The following EXPH5 variants were observed in gnomAD, a reference collection of about 807,000 sequenced individuals.
EXPH5 encodes the protein exophilin 5, also known as exophilin-5.
A neutral mutation model predicts 41.1 loss-of-function variants in EXPH5; 42 were observed. The ratio of observed to expected loss-of-function variants is 1.02; its 90% CI spans 0.80 to 1.32. EXPH5 has a LOEUF of 1.32. Among genes scored for constraint, EXPH5 ranks in the 40% most tolerant of loss-of-function variants. The probability of loss-of-function intolerance (pLI) is 0.00; values close to 1 mark genes in which losing one functional copy is unlikely to be tolerated. For synonymous variants in EXPH5, 798 were observed against 833.5 expected, an observed-to-expected ratio of 0.96 and a Z score of 0.73; for missense variants, 2,298 against 2,314.5, an observed-to-expected ratio of 0.99 and a Z score of 0.15.
Position 108,514,265 on chromosome 11 carries a change from T to A in EXPH5, c.1242A>T (p.Arg414Ser). Residue 414 changes from arginine to serine, a missense_variant, in exon 6 of 6, where the codon AGA becomes AGT. Transcript: ENST00000265843. Reference sequence around the variant, plus strand: ...CATTCTGTGAATGGTACGATTCATATCTCTTATTCTCCTGAAAACCCCTGG... The same window carrying A: ...CATTCTGTGAATGGTACGATTCATAACTCTTATTCTCCTGAAAACCCCTGG... ...VYPRGFQENK[R>S]YESYHSQNVY... The A allele has an allele frequency of 6.2e-7, 1 of 1,614,132 alleles. No individual in the cohort carries two copies. The highest frequency in any genetic ancestry group is 1.1e-5 in the South Asian group (1 of 91,056).
intron 1 of EXPH5, among the ~76,000 whole-genome samples, chr11:108,548,654 C>T (rs1231958470): frequency 2.6e-5 from 4 of 152,084 alleles, no homozygotes; most frequent in South Asian, 2.1e-4. Flanking sequence ...GGAAGGGAAA[C>T]GATGACATAA....
intron 1 of EXPH5, among the ~76,000 whole-genome samples, chr11:108,586,272 G>A (rs1036081836): frequency 6.6e-6 from 1 of 152,072 alleles, no homozygotes; most frequent in Non-Finnish European, 1.5e-5. Context: ...TTATACATAC[G>A]ACAACCTGTG....
At position 108,527,013 on chromosome 11, in the gene EXPH5, AGTAGT is replaced by A. The variant is rs147474591; in HGVS notation, c.492+1118_492+1122del. Among the ~76,000 whole-genome samples the A allele has an allele frequency of 7.2e-3, 1,100 of 152,186 alleles. 14 individuals carry two copies. The highest frequency in any genetic ancestry group is 0.024 in the African/African-American group (1,001 of 41,524). On this transcript the variant is annotated intron_variant, in intron 4 of 5. Coordinates refer to ENST00000265843, the MANE Select transcript of EXPH5 (RefSeq NM_015065.3). ...GGCTCAGTGTTATCACCCAGAAAGA[AGTAGT>A]GTAAAGAACCTCTGTTTCCAGTTGG...
At chr11:108,528,914 G>T (rs578116091) in intron 3 of EXPH5, among the ~76,000 whole-genome samples, 1 of 151,660 alleles carries the variant, frequency 6.6e-6, no homozygotes, top group Non-Finnish European at 1.5e-5. Flanking sequence ...TGTTGACCAG[G>T]CTGGTCTCGA....
chr11:108,565,755 T>C (rs985514845), intron 1 of EXPH5, among the ~76,000 whole-genome samples: 1 of 152,206 alleles, frequency 6.6e-6, no homozygotes, highest in African/African-American at 2.4e-5. Flanking sequence ...TAAAGCTCAG[T>C]TCTTTGTCAC....
intron 3 of EXPH5, among the ~76,000 whole-genome samples, chr11:108,532,618 C>A (rs1427135486): frequency 6.6e-6 from 1 of 151,276 alleles, no homozygotes; most frequent in African/African-American, 2.4e-5. Flanking sequence ...GCAAGGCTAG[C>A]CAATAAAAAC....
At chr11:108,586,373 C>T (rs986911955) in intron 1 of EXPH5, among the ~76,000 whole-genome samples, 3 of 151,980 alleles carry the variant, frequency 2.0e-5, no homozygotes, top group East Asian at 1.9e-4. Context: ...ACAAATAAAA[C>T]GGTAGTGTTG....
In EXPH5 at chr11:108,510,195, G is replaced by T; in HGVS notation, c.5312C>A (p.Ala1771Asp). The T allele has an allele frequency of 6.2e-7, 1 of 1,614,076 alleles. No homozygotes were observed. Among genetic ancestry groups the T allele is most frequent in the Non-Finnish European group, 8.5e-7 (1 of 1,180,000 alleles). ...ACTCCTTTGTTGCTGCAGAAAACTG[G>T]CCAGTGGACTGCTTACTCTAGATTT... Reference protein sequence around the residue: ...AQKSRVSSPLASFLQQQRSAS... With the variant: ...AQKSRVSSPLDSFLQQQRSAS... Residue 1771 changes from alanine (A) to aspartate (D), a missense_variant, in exon 6 of 6, where the codon GCC becomes GAC. Ala to Asp is a moderately radical substitution (Grantham distance 126). Transcript: ENST00000265843.
intron 4 of EXPH5, among the ~76,000 whole-genome samples, chr11:108,518,776 G>T (rs771246180): frequency 6.6e-6 from 1 of 152,194 alleles, no homozygotes; most frequent in Non-Finnish European, 1.5e-5. Flanking sequence ...ACTGGAGGTC[G>T]GCACGAGGTA....
At chr11:108,556,979 T>C (rs1203865224) in intron 1 of EXPH5, among the ~76,000 whole-genome samples, 2 of 152,196 alleles carry the variant, frequency 1.3e-5, no homozygotes, top group Non-Finnish European at 2.9e-5. Context: ...TTGGCTTCTT[T>C]TTTCCCTCTT....
intron 1 of EXPH5, among the ~76,000 whole-genome samples, chr11:108,577,735 T>C (rs1373887006): frequency 6.6e-6 from 1 of 152,170 alleles, no homozygotes; most frequent in East Asian, 1.9e-4. Flanking sequence ...ATAATAGCCA[T>C]TTTAACTGGG....
intron 2 of EXPH5, 83 bp downstream of exon 2, chr11:108,541,569 T>C (rs1439980657): frequency 1.3e-5 from 11 of 835,192 alleles, no homozygotes; most frequent in African/African-American, 1.2e-4. Flanking sequence ...ATTGGTTACA[T>C]TGGAGATCCA....
At chr11:108,569,466 A>C (rs1283289104) in intron 1 of EXPH5, among the ~76,000 whole-genome samples, 7 of 151,222 alleles carry the variant, frequency 4.6e-5, no homozygotes, top group Admixed American at 2.6e-4. Context: ...CAGCCTCCCG[A>C]GTAGCTGAGA....
At chr11:108,526,211 C>T (rs1042018245) in intron 4 of EXPH5, among the ~76,000 whole-genome samples, 2 of 152,172 alleles carry the variant, frequency 1.3e-5, no homozygotes, top group African/African-American at 4.8e-5. Context: ...GCATGAACCA[C>T]TCTTCCCAGC....
chr11:108,523,720 A>T (rs771443953), intron 4 of EXPH5, among the ~76,000 whole-genome samples: 1 of 152,160 alleles, frequency 6.6e-6, no homozygotes, highest in Non-Finnish European at 1.5e-5. Context: ...AAAAATACAA[A>T]AACTTAGCAG....
intron 2 of EXPH5, 33 bp from the exon 3 acceptor site, chr11:108,539,219 A>G (rs372747825): frequency 4.2e-6 from 6 of 1,444,528 alleles, no homozygotes; most frequent in East Asian, 2.3e-5. Context: ...TTTTGCATCA[A>G]TTACTTCCAA....
At position 108,540,191 on chromosome 11, in the gene EXPH5, C is replaced by T. The variant is rs189539734; in HGVS notation, c.281-1005G>A. Among the ~76,000 whole-genome samples the T allele has an allele frequency of 8.7e-3, 1,321 of 152,042 alleles. 22 individuals carry two copies. Among genetic ancestry groups the T allele is most frequent in the African/African-American group, 0.03 (1,240 of 41,464 alleles). On this transcript the variant is annotated intron_variant, in intron 2 of 5. Transcript: ENST00000265843. ...CAAAAAAATTAGCCAGGTGTGGTGG[C>T]GCACGCCTGTAATCCCAGCTACTCA...
At chr11:108,563,066 A>C (rs1308046041) in intron 1 of EXPH5, among the ~76,000 whole-genome samples, 1 of 152,226 alleles carries the variant, frequency 6.6e-6, no homozygotes, top group Non-Finnish European at 1.5e-5. Context: ...TTAGGGTTTA[A>C]GTCCCCTTAC....
At chr11:108,606,444 A>G in the EXPH5 span, among the ~76,000 whole-genome samples, 2 of 152,142 alleles carry the variant, frequency 1.3e-5, no homozygotes, top group African/African-American at 2.4e-5. Context: ...AGCCCTCTGT[A>G]CCTGCTCCAA....
Sources: allele counts gnomAD v4.1 joint callset (sites outside exome capture counted in the v4.1 genomes callset), GRCh38; gene constraint gnomAD v4.1.1; transcripts MANE v1.5; gene names NCBI Gene and HGNC (gene_info 2026-07-23, HGNC 2026-07-21).